Variants in CDH12 observed in about 807,000 individuals in gnomAD.
CDH12 encodes the protein cadherin 12.
CDH12 carries 41 observed loss-of-function variants against 74.1 expected under a neutral mutation model. That is an observed-to-expected ratio of 0.55 (90% CI 0.43 to 0.72). CDH12 has a LOEUF of 0.72. CDH12 is among the 30% of genes least tolerant of loss of function. The pLI, the probability that CDH12 is intolerant of heterozygous loss-of-function variation, is 0.00. For synonymous variants in CDH12, 399 were observed against 355.0 expected (o/e 1.12, Z -1.39); for missense variants, 945 against 977.2 (o/e 0.97, Z 0.44).
intron 1 of CDH12, among the ~76,000 whole-genome samples, chr5:22,506,601 C>T (rs1036236662): frequency 7.2e-5 from 11 of 151,954 alleles, no homozygotes; most frequent in African/African-American, 2.2e-4. Context: ...GACCTAGACT[C>T]AGCCTTTTTT....
At chr5:22,113,243 T>C (rs1744913298) in intron 4 of CDH12, among the ~76,000 whole-genome samples, 1 of 152,184 alleles carries the variant, frequency 6.6e-6, no homozygotes, top group Admixed American at 6.5e-5. Context: ...TTCAAAGTTG[T>C]CCTTTGTGGG....
chr5:22,831,349 G>GTT lies in CDH12; in HGVS notation c.-523+21707_-523+21708dup, dbSNP rs71609782. Among the ~76,000 whole-genome samples the GTT allele has an allele frequency of 1.6e-4, 19 of 117,166 alleles. No individual in the cohort carries two copies. In the Admixed American group the frequency reaches 2.1e-3, roughly 13 times the overall value. 76.9% of individuals were successfully genotyped at this position (117,166 alleles called of 152,430 possible). A position where few individuals can be genotyped will look rare whatever the true frequency, so the allele number is the denominator to read the frequency against. On this transcript the variant is annotated intron_variant, in intron 1 of 14. Coordinates refer to ENST00000382254, the MANE Select transcript of CDH12 (RefSeq NM_004061.5). ...GACAAAGGAAGGTAGGGGTTTTGGA[G>GTT]TTTGTGTGTGTGTGTGTGTGTCTGT...
chr5:22,338,288 G>C (rs769530639), intron 3 of CDH12, among the ~76,000 whole-genome samples: 2 of 152,128 alleles, frequency 1.3e-5, no homozygotes, highest in African/African-American at 2.4e-5. Flanking sequence ...GATAGAACTG[G>C]AGGTGATTAT....
intron 4 of CDH12, among the ~76,000 whole-genome samples, chr5:22,124,647 T>C (rs567156834): frequency 1.3e-5 from 2 of 152,368 alleles, no homozygotes; most frequent in South Asian, 4.1e-4. Flanking sequence ...TTCCTTTACT[T>C]ACATTTATTT....
intron 3 of CDH12, among the ~76,000 whole-genome samples, chr5:22,304,301 A>T (rs1738013641): frequency 6.6e-6 from 1 of 152,168 alleles, no homozygotes; most frequent in African/African-American, 2.4e-5. Context: ...CTGTTTCACT[A>T]GATATGAGAC....
intron 6 of CDH12, among the ~76,000 whole-genome samples, chr5:21,968,700 T>C (rs1257923730): frequency 6.6e-6 from 1 of 152,174 alleles, no homozygotes; most frequent in Admixed American, 6.6e-5. Flanking sequence ...TGCCACTGTA[T>C]TTTTGGTGAG....
intron 6 of CDH12, among the ~76,000 whole-genome samples, chr5:21,936,532 TAAAC>T (rs1399830125): frequency 4.6e-5 from 7 of 152,220 alleles, no homozygotes; most frequent in East Asian, 1.9e-4. Flanking sequence ...TGAAGTCATT[TAAAC>T]AAATAATAGC....
At chr5:22,299,327 C>T (rs1737764970) in intron 3 of CDH12, among the ~76,000 whole-genome samples, 2 of 151,966 alleles carry the variant, frequency 1.3e-5, no homozygotes, top group Non-Finnish European at 2.9e-5. Context: ...AAGACCTTTC[C>T]TTTGTCTCTG....
chr5:22,105,287 G>A (rs940303803), intron 4 of CDH12, among the ~76,000 whole-genome samples: 1 of 151,376 alleles, frequency 6.6e-6, no homozygotes. Flanking sequence ...TAGAGATAGG[G>A]TTTCACCATG....
intron 6 of CDH12, among the ~76,000 whole-genome samples, chr5:21,856,184 T>C (rs571671321): frequency 6.6e-6 from 1 of 151,816 alleles, no homozygotes; most frequent in Admixed American, 6.6e-5. Flanking sequence ...CCAATGTTTA[T>C]TTCTACCCAG....
chr5:22,663,841 A>C (rs982062965), intron 1 of CDH12, among the ~76,000 whole-genome samples: 2 of 152,112 alleles, frequency 1.3e-5, no homozygotes, highest in Non-Finnish European at 2.9e-5. Context: ...TTATATATAA[A>C]ATCTCAAAGT....
chr5:22,650,299 G>A (rs1384757485), intron 1 of CDH12, among the ~76,000 whole-genome samples: 1 of 152,016 alleles, frequency 6.6e-6, no homozygotes, highest in Non-Finnish European at 1.5e-5. Flanking sequence ...CTTGGTGATA[G>A]ATATAGGCTT....
intron 9 of CDH12, among the ~76,000 whole-genome samples, chr5:21,816,666 T>C (rs1748067134): frequency 1.8e-5 from 1 of 56,766 alleles, no homozygotes; most frequent in South Asian, 6.3e-4. Flanking sequence ...ATAGAGTATA[T>C]ACTATATATA....
intron 3 of CDH12, among the ~76,000 whole-genome samples, chr5:22,246,620 T>C (rs560508945): frequency 6.6e-6 from 1 of 152,308 alleles, no homozygotes; most frequent in South Asian, 2.1e-4. Flanking sequence ...ATTCAACATT[T>C]AGTTCTTATT....
intron 3 of CDH12, among the ~76,000 whole-genome samples, chr5:22,402,933 G>T (rs1475484829): frequency 1.3e-5 from 2 of 152,170 alleles, no homozygotes; most frequent in Non-Finnish European, 2.9e-5. Context: ...TGGCAGCTTG[G>T]ATTGAAAGAA....
chr5:22,355,984 T>A (rs560033269), intron 3 of CDH12, among the ~76,000 whole-genome samples: 1 of 152,222 alleles, frequency 6.6e-6, no homozygotes. Context: ...CTTCTGAGAA[T>A]GATGTGTTAA....
intron 9 of CDH12, among the ~76,000 whole-genome samples, chr5:21,805,825 A>G (rs1402438236): frequency 6.6e-6 from 1 of 152,218 alleles, no homozygotes; most frequent in Non-Finnish European, 1.5e-5. Flanking sequence ...TATGATAGAC[A>G]TACATTATTG....
At chr5:22,500,920 A>ATTTT (rs137998465) in intron 2 of CDH12, among the ~76,000 whole-genome samples, 1 of 150,026 alleles carries the variant, frequency 6.7e-6, no homozygotes, top group African/African-American at 2.4e-5. Flanking sequence ...CTGCAGTATA[A>ATTTT]TTTTTTTTTT....
Position 22,665,279 on chromosome 5 carries a change from G to T in CDH12, c.-522-159915C>A, listed in dbSNP as rs191354832. Among the ~76,000 whole-genome samples, 1,214 of 152,248 alleles carry T rather than the reference G, an allele frequency of 8.0e-3. 11 individuals are homozygous for T. The highest frequency in any genetic ancestry group is 0.013 in the Non-Finnish European group (884 of 68,020). ...TTTGTATGTTCTCAATATATTGATT[G>T]TATATGTTTTCATCAAGCATCTCAT... On this transcript the variant is annotated intron_variant, in intron 1 of 14. Coordinates refer to ENST00000382254, the MANE Select transcript of CDH12 (RefSeq NM_004061.5).
Sources: gnomAD v4.1 joint callset for allele counts (sites outside exome capture counted in the v4.1 genomes callset) on GRCh38, gnomAD v4.1.1 for gene constraint, MANE v1.5 for transcripts, NCBI Gene and HGNC (gene_info 2026-07-23, HGNC 2026-07-21) for gene names.